CTNNA3: variants seen among roughly 807,000 people sequenced by gnomAD.
CTNNA3 encodes the protein catenin alpha-3.
Under a neutral mutation model 95.7 loss-of-function variants are expected in CTNNA3, and 76 were observed. The observed-to-expected ratio is 0.79, with a 90% CI of 0.66 to 0.96. CTNNA3 has a LOEUF of 0.96. Ranked by LOEUF, CTNNA3 falls within the 40% of genes least tolerant of loss-of-function variation. The probability of loss-of-function intolerance (pLI) is 0.00; values close to 1 mark genes in which losing one functional copy is unlikely to be tolerated. For synonymous variants in CTNNA3, 431 were observed against 374.4 expected (o/e 1.15, Z -1.74); for missense variants, 1,191 against 1,089.8 (o/e 1.09, Z -1.31).
chr10:66,584,563 A>G (rs1016204126), intron 10 of CTNNA3, among the ~76,000 whole-genome samples: 1 of 151,928 alleles, frequency 6.6e-6, no homozygotes, highest in Non-Finnish European at 1.5e-5. Context: ...GCTTGAATCT[A>G]TAAGAATCTT....
At chr10:66,409,402 C>CAG (rs1294018922) in intron 11 of CTNNA3, among the ~76,000 whole-genome samples, 20 of 138,340 alleles carry the variant, frequency 1.4e-4, no homozygotes, top group South Asian at 4.9e-4. Flanking sequence ...TAACTGTTCC[C>CAG]AAAAAAAAAA....
chr10:66,789,226 G>A (rs1840871322), intron 7 of CTNNA3, among the ~76,000 whole-genome samples: 1 of 151,980 alleles, frequency 6.6e-6, no homozygotes, highest in Non-Finnish European at 1.5e-5. Flanking sequence ...GCTGAGGCTG[G>A]AGTGCAGTGG....
intron 13 of CTNNA3, among the ~76,000 whole-genome samples, chr10:66,186,091 T>C (rs947644616): frequency 3.9e-5 from 6 of 152,214 alleles, no homozygotes; most frequent in African/African-American, 1.4e-4. Flanking sequence ...TCTGAACTAA[T>C]GTGTATTTCA....
intron 4 of CTNNA3, among the ~76,000 whole-genome samples, chr10:67,522,355 A>T (rs1364312199): frequency 6.6e-6 from 1 of 152,268 alleles, no homozygotes; most frequent in Non-Finnish European, 1.5e-5. Flanking sequence ...TCAATCATGG[A>T]AACAAACAAA....
At chr10:66,666,538 C>T (rs1846457683) in intron 9 of CTNNA3, among the ~76,000 whole-genome samples, 1 of 152,078 alleles carries the variant, frequency 6.6e-6, no homozygotes, top group South Asian at 2.1e-4. Flanking sequence ...AATAAGGACA[C>T]CTTTTTTGCA....
intron 10 of CTNNA3, among the ~76,000 whole-genome samples, chr10:66,567,206 T>C (rs925969058): frequency 1.3e-5 from 2 of 151,950 alleles, no homozygotes; most frequent in Non-Finnish European, 1.5e-5. Context: ...ATCATATGAT[T>C]AGACTAATCA....
At chr10:66,766,447 T>C in intron 8 of CTNNA3, 31 bp from the exon 9 acceptor site, 1 of 1,575,548 alleles carries the variant, frequency 6.3e-7, no homozygotes, top group Non-Finnish European at 8.6e-7. Context: ...CAGGTTTTTT[T>C]TTTCCAGGAA....
intron 5 of CTNNA3, among the ~76,000 whole-genome samples, chr10:67,394,410 A>C (rs1433502963): frequency 6.6e-6 from 1 of 152,116 alleles, no homozygotes; most frequent in African/African-American, 2.4e-5. Flanking sequence ...TCATAAAATG[A>C]AAGATAGCAC....
intron 7 of CTNNA3, among the ~76,000 whole-genome samples, chr10:66,902,246 T>C (rs1358154076): frequency 6.6e-6 from 1 of 152,176 alleles, no homozygotes; most frequent in East Asian, 1.9e-4. Context: ...ACCACACAGC[T>C]ACATGGAAAC....
intron 6 of CTNNA3, among the ~76,000 whole-genome samples, chr10:67,204,727 A>C (rs185566623): frequency 6.6e-6 from 1 of 152,290 alleles, no homozygotes; most frequent in Non-Finnish European, 1.5e-5. Flanking sequence ...ACAGCATTGC[A>C]ATAAAGATTT....
intron 11 of CTNNA3, among the ~76,000 whole-genome samples, chr10:66,462,394 C>G (rs1000342043): frequency 5.9e-5 from 9 of 152,044 alleles, no homozygotes; most frequent in Admixed American, 5.2e-4. Flanking sequence ...TTTCAATAAC[C>G]TTTTTTTATT....
intron 13 of CTNNA3, among the ~76,000 whole-genome samples, chr10:66,228,193 ATTTC>A (rs2089414966): frequency 6.6e-6 from 1 of 151,452 alleles, no homozygotes; most frequent in South Asian, 2.1e-4. Context: ...GAATTTTATT[ATTTC>A]TTTCTATCTA....
At chr10:67,337,356 G>A (rs888736109) in intron 5 of CTNNA3, among the ~76,000 whole-genome samples, 8 of 152,176 alleles carry the variant, frequency 5.3e-5, no homozygotes, top group Non-Finnish European at 1.0e-4. Context: ...GAAGATATGG[G>A]TAATTGCTGC....
rs550838015 is a variant in CTNNA3, at chr10:66,173,922, C to A, written c.1885-70673G>T. On this transcript the variant is annotated intron_variant, in intron 13 of 17. Transcript: ENST00000433211. ...ACTGAGGTACAAAGATTTTAAGTAA[C>A]TTGCTCAGCTGGTAAGCTGAAGATG... Among the ~76,000 whole-genome samples the A allele has an allele frequency of 5.9e-5, 9 of 152,220 alleles. 1 individual carries two copies. In the South Asian group the frequency reaches 1.9e-3, roughly 32 times the overall value.
At chr10:67,114,722 G>A (rs1859082531) in intron 7 of CTNNA3, among the ~76,000 whole-genome samples, 1 of 151,642 alleles carries the variant, frequency 6.6e-6, no homozygotes, top group Non-Finnish European at 1.5e-5. Context: ...GTGTGTGTGT[G>A]TGTGTGTGTG....
intron 14 of CTNNA3, among the ~76,000 whole-genome samples, chr10:66,072,924 T>C (rs1381845072): frequency 6.6e-6 from 1 of 152,202 alleles, no homozygotes; most frequent in African/African-American, 2.4e-5. Context: ...CCTTGTGGAA[T>C]ACATAATGGA....
chr10:66,593,514 T>G (rs546931138), intron 10 of CTNNA3, among the ~76,000 whole-genome samples: 1 of 152,226 alleles, frequency 6.6e-6, no homozygotes, highest in South Asian at 2.1e-4. Context: ...TATTTGCATT[T>G]CTAAGTTTCC....
chr10:67,704,163 G>T (rs1841062448), intron 1 of CTNNA3, among the ~76,000 whole-genome samples: 1 of 152,168 alleles, frequency 6.6e-6, no homozygotes. Context: ...CATGCTCATG[G>T]ATAGGAAGAA....
chr10:67,193,646 C>G (rs1386039950), intron 6 of CTNNA3, among the ~76,000 whole-genome samples: 1 of 152,042 alleles, frequency 6.6e-6, no homozygotes, highest in Non-Finnish European at 1.5e-5. Context: ...CCAGCTCCAT[C>G]CATGTTCCTG....
Sources: gnomAD v4.1 joint callset for allele counts (sites outside exome capture counted in the v4.1 genomes callset) on GRCh38, gnomAD v4.1.1 for gene constraint, MANE v1.5 for transcripts, NCBI Gene and HGNC (gene_info 2026-07-23, HGNC 2026-07-21) for gene names.